MAGI1: variants seen among roughly 807,000 people sequenced by gnomAD.
MAGI1 encodes the protein membrane associated guanylate kinase, WW and PDZ domain containing 1, also known as membrane-associated guanylate kinase, WW and PDZ domain-containing protein 1.
A neutral mutation model predicts 139.9 loss-of-function variants in MAGI1; 58 were observed. That is an observed-to-expected ratio of 0.41 (90% CI 0.34 to 0.52). The LOEUF is 0.52. Among genes scored for constraint, MAGI1 ranks in the 20% least tolerant of loss-of-function variants. The pLI is 0.12. For synonymous variants in MAGI1, 812 were observed against 737.9 expected (o/e 1.10, Z -1.63); for missense variants, 1,874 against 1,901.6 (o/e 0.99, Z 0.27).
intron 2 of MAGI1, among the ~76,000 whole-genome samples, chr3:65,520,388 T>A (rs1394711507): frequency 6.6e-6 from 1 of 152,182 alleles, no homozygotes; most frequent in African/African-American, 2.4e-5. Context: ...GAAAAACTTA[T>A]ATTTGAACAC....
chr3:65,858,387 T>C (rs955342364), intron 1 of MAGI1, among the ~76,000 whole-genome samples: 1 of 152,204 alleles, frequency 6.6e-6, no homozygotes, highest in African/African-American at 2.4e-5. Flanking sequence ...ACAAGCCAGT[T>C]GTGGAGACAA....
chr3:66,030,197 C>G (rs968307944), intron 1 of MAGI1, among the ~76,000 whole-genome samples: 1 of 152,170 alleles, frequency 6.6e-6, no homozygotes, highest in Non-Finnish European at 1.5e-5. Context: ...CTGGATCAAT[C>G]GGCTAAGCTC....
chr3:65,533,389 C>G (rs988629605), intron 2 of MAGI1, among the ~76,000 whole-genome samples: 4 of 152,170 alleles, frequency 2.6e-5, no homozygotes, highest in African/African-American at 9.7e-5. Context: ...GATAAGCTGA[C>G]AGTAACTTTT....
At chr3:66,035,555 G>A (rs1350333377) in intron 1 of MAGI1, among the ~76,000 whole-genome samples, 1 of 152,256 alleles carries the variant, frequency 6.6e-6, no homozygotes, top group Non-Finnish European at 1.5e-5. Flanking sequence ...TAATGAAGAC[G>A]TCAGAAGATC....
intron 1 of MAGI1, among the ~76,000 whole-genome samples, chr3:65,925,902 T>A (rs1040295043): frequency 6.6e-6 from 1 of 152,170 alleles, no homozygotes; most frequent in African/African-American, 2.4e-5. Context: ...GGTCTTGAAC[T>A]CCTAGGTTAA....
intron 1 of MAGI1, among the ~76,000 whole-genome samples, chr3:65,900,437 T>C (rs1472874176): frequency 1.3e-5 from 2 of 152,214 alleles, no homozygotes; most frequent in African/African-American, 4.8e-5. Flanking sequence ...ATTTGCCTAG[T>C]GTTAGACTTG....
chr3:65,624,872 T>C (rs761933503), intron 1 of MAGI1, among the ~76,000 whole-genome samples: 9 of 152,272 alleles, frequency 5.9e-5, no homozygotes, highest in East Asian at 1.9e-4. Flanking sequence ...GAGATGCCAA[T>C]ATAATATTTT....
At chr3:65,997,998 G>A (rs1257410350) in intron 1 of MAGI1, among the ~76,000 whole-genome samples, 1 of 151,528 alleles carries the variant, frequency 6.6e-6, no homozygotes, top group African/African-American at 2.4e-5. Flanking sequence ...AGCTACTCAG[G>A]AGGATGAGGC....
intron 1 of MAGI1, among the ~76,000 whole-genome samples, chr3:65,869,452 G>C (rs2059856740): frequency 6.7e-6 from 1 of 150,180 alleles, no homozygotes; most frequent in South Asian, 2.1e-4. Flanking sequence ...CCAGGTTGGA[G>C]TGCAGTGGCG....
rs185560248 is a variant in MAGI1 at position 65,666,671 on chromosome 3, A to C, written c.314-44583T>G. On this transcript the variant is annotated intron_variant, in intron 1 of 22. Coordinates refer to ENST00000402939, the MANE Select transcript of MAGI1 (RefSeq NM_001033057.2). ...TACAAACCTATAAGTTCCAGGAAAC[A>C]ATGCTGAGAAGTGTTATTTTATTAT... Among the ~76,000 whole-genome samples the C allele has an allele frequency of 6.6e-5, 10 of 152,332 alleles. No homozygotes were observed. In the East Asian group the frequency reaches 1.9e-3, roughly 29 times the overall value.
intron 1 of MAGI1, among the ~76,000 whole-genome samples, chr3:65,677,714 G>A (rs545272285): frequency 1.8e-4 from 28 of 152,268 alleles, no homozygotes; most frequent in Non-Finnish European, 3.1e-4. Flanking sequence ...CCACTCTTTC[G>A]TATCCACGTC....
intron 22 of MAGI1, chr3:65,360,351 C>CTTT (rs533416565): frequency 1.6e-5 from 15 of 910,714 alleles, no homozygotes; most frequent in Non-Finnish European, 1.9e-5. Flanking sequence ...ATAGCTTCTT[C>CTTT]TTTTTTTTTT....
At chr3:65,979,093 C>CCCG (rs1553742275) in intron 1 of MAGI1, among the ~76,000 whole-genome samples, 2 of 51,542 alleles carry the variant, frequency 3.9e-5, no homozygotes, top group East Asian at 1.6e-3. Context: ...TTTCTTCCCC[C>CCCG]CCCCCGCCAC....
rs570821523 is a variant in MAGI1 at position 65,703,181 on chromosome 3, G to A, written c.314-81093C>T. 6.6e-5 allele frequency among the ~76,000 whole-genome samples: 10 copies of A among 152,202 alleles called. No individual in the cohort carries two copies. The South Asian group carries it at 1.0e-3, about 16-fold the overall frequency. ...TGGCTTTCAGTCTTTGCTGCTATAC[G>A]TGCTTCCTGACTACTGAACCAGAAG... is the stretch of plus-strand genomic sequence containing the variant. On this transcript the variant is annotated intron_variant, in intron 1 of 22. Coordinates refer to ENST00000402939, the MANE Select transcript of MAGI1 (RefSeq NM_001033057.2).
intron 1 of MAGI1, among the ~76,000 whole-genome samples, chr3:65,940,030 A>T (rs2063234085): frequency 6.6e-6 from 1 of 152,194 alleles, no homozygotes; most frequent in Non-Finnish European, 1.5e-5. Context: ...AATTATTTTC[A>T]TCCCTACCTC....
At chr3:65,585,940 G>A (rs1274498131) in intron 2 of MAGI1, among the ~76,000 whole-genome samples, 5 of 152,134 alleles carry the variant, frequency 3.3e-5, no homozygotes, top group Non-Finnish European at 5.9e-5. Flanking sequence ...GGGTGCAGTG[G>A]CTCACACCTG....
intron 1 of MAGI1, among the ~76,000 whole-genome samples, chr3:65,768,660 CT>C (rs1164027103): frequency 1.3e-5 from 2 of 152,294 alleles, no homozygotes; most frequent in Admixed American, 1.3e-4. Flanking sequence ...TTATTCACAT[CT>C]ATTAATAAAT....
chr3:65,529,202 T>C (rs2078522593), intron 2 of MAGI1, among the ~76,000 whole-genome samples: 1 of 152,166 alleles, frequency 6.6e-6, no homozygotes, highest in South Asian at 2.1e-4. Context: ...ACTTTTCACA[T>C]TTTGGTAAAA....
At chr3:65,394,037 C>T (rs1054361938) in intron 13 of MAGI1, among the ~76,000 whole-genome samples, 1 of 152,166 alleles carries the variant, frequency 6.6e-6, no homozygotes, top group Non-Finnish European at 1.5e-5. Context: ...TGTGCTTTTA[C>T]ATACATACCT....
Sources: allele counts gnomAD v4.1 joint callset (sites outside exome capture counted in the v4.1 genomes callset), GRCh38; gene constraint gnomAD v4.1.1; transcripts MANE v1.5; gene names NCBI Gene and HGNC (gene_info 2026-07-23, HGNC 2026-07-21).